DCLK1: variants seen among roughly 807,000 people sequenced by gnomAD.
DCLK1 encodes the protein doublecortin like kinase 1, also known as serine/threonine-protein kinase DCLK1.
DCLK1 carries 16 observed loss-of-function variants against 86.2 expected under a neutral mutation model. That is an observed-to-expected ratio of 0.19 (90% CI 0.13 to 0.28). DCLK1 has a LOEUF of 0.28. Among genes scored for constraint, DCLK1 ranks in the 10% least tolerant of loss-of-function variants. The pLI is 1.00. For missense variants in DCLK1, 590 were observed against 940.2 expected (o/e 0.63, Z 4.87); for synonymous variants, 369 against 370.5 (o/e 1.00, Z 0.05).
rs79976679 is a variant in DCLK1 at position 35,927,495 on chromosome 13, C to T, written c.823+19863G>A. Among the ~76,000 whole-genome samples, 1,001 of 152,286 alleles carry T rather than the reference C, an allele frequency of 6.6e-3. 14 individuals are homozygous for T. Among genetic ancestry groups the T allele is most frequent in the African/African-American group, 0.023 (943 of 41,566 alleles). ...TGATAAGTTCATTGTTTTTGTTACA[C>T]CGTTTGATTTCTCCTTATTATAAGT... is the stretch of plus-strand genomic sequence containing the variant. On this transcript the variant is annotated intron_variant, in intron 4 of 16. Coordinates refer to ENST00000360631, the MANE Select transcript of DCLK1 (RefSeq NM_001330071.2).
At chr13:36,100,207 AAAAAAAC>A in intron 3 of DCLK1, among the ~76,000 whole-genome samples, 3 of 95,942 alleles carry the variant, frequency 3.1e-5, no homozygotes, top group South Asian at 3.1e-4. Context: ...AAAAAAAAAA[AAAAAAAC>A]CACACACACA....
chr13:35,869,814 C>T (rs989511628), intron 5 of DCLK1, among the ~76,000 whole-genome samples: 3 of 152,174 alleles, frequency 2.0e-5, no homozygotes, highest in Non-Finnish European at 4.4e-5. Context: ...TTGAGAACCA[C>T]TGCCCTCACC....
At chr13:35,941,292 AG>A (rs1877067389) in intron 4 of DCLK1, among the ~76,000 whole-genome samples, 2 of 152,204 alleles carry the variant, frequency 1.3e-5, no homozygotes, top group Non-Finnish European at 2.9e-5. Flanking sequence ...GAAAGTGATC[AG>A]AACCCCATGG....
chr13:36,073,733 G>C (rs182353701), intron 3 of DCLK1, among the ~76,000 whole-genome samples: 1 of 152,208 alleles, frequency 6.6e-6, no homozygotes, highest in East Asian at 1.9e-4. Flanking sequence ...GCTTGCACAT[G>C]TCCTTAACAC....
At chr13:35,961,814 T>C (rs749297679) in intron 3 of DCLK1, among the ~76,000 whole-genome samples, 1 of 152,230 alleles carries the variant, frequency 6.6e-6, no homozygotes, top group Non-Finnish European at 1.5e-5. Context: ...GTTCTCTCCT[T>C]GTTTCTGATT....
intron 4 of DCLK1, among the ~76,000 whole-genome samples, chr13:35,920,732 G>T (rs1468194354): frequency 6.6e-6 from 1 of 152,094 alleles, no homozygotes; most frequent in Non-Finnish European, 1.5e-5. Flanking sequence ...GAACCGGGGT[G>T]GGAGGTGCCG....
At chr13:35,972,646 G>C (rs766080385) in intron 3 of DCLK1, among the ~76,000 whole-genome samples, 14 of 152,040 alleles carry the variant, frequency 9.2e-5, no homozygotes, top group Non-Finnish European at 5.9e-5. Flanking sequence ...AGATGGGGTG[G>C]GGGGCAGCAC....
At chr13:35,908,657 T>C (rs371355324) in intron 4 of DCLK1, among the ~76,000 whole-genome samples, 10 of 152,336 alleles carry the variant, frequency 6.6e-5, no homozygotes, top group African/African-American at 2.4e-4. Context: ...TTTGTCCCAA[T>C]GGAACTTTGC....
At position 35,772,065 on chromosome 13, in the gene DCLK1, T is replaced by G. The variant is rs2086342248; in HGVS notation, c.*2470A>C. On this transcript the variant is annotated 3_prime_UTR_variant, in exon 17 of 17. Coordinates refer to ENST00000360631, the MANE Select transcript of DCLK1 (RefSeq NM_001330071.2). ...CTTGGTAGCTTAATGTTAGAAAGATTGCATTCCATCTGATTACTCAAGATT... is the reference window on the plus strand; with the variant it reads ...CTTGGTAGCTTAATGTTAGAAAGATGGCATTCCATCTGATTACTCAAGATT... 6.6e-6 allele frequency: 1 copy of G among 152,220 alleles called. No individual in the cohort carries two copies. The highest frequency in any genetic ancestry group is 1.5e-5 in the Non-Finnish European group (1 of 68,042). 9.4% of individuals were successfully genotyped at this position (152,220 alleles called of 1,614,324 possible). A position where few individuals can be genotyped will look rare whatever the true frequency, so the allele number is the denominator to read the frequency against.
chr13:35,835,904 C>A (rs768234477), intron 8 of DCLK1, 129 bp downstream of exon 8: 3 of 663,642 alleles, frequency 4.5e-6, no homozygotes, highest in African/African-American at 1.8e-5. Context: ...GCAAAAAATT[C>A]TTTTGCATTT....
In DCLK1 at chr13:35,893,779, T is replaced by C. The variant is rs115912167; in HGVS notation, c.824-22439A>G. ...CTGCTTAGTTAATCTGCACACATTA[T>C]TTTTTTCCTGTATTAATGGTGTATC... On this transcript the variant is annotated intron_variant, in intron 4 of 16. Transcript: ENST00000360631. Among the ~76,000 whole-genome samples, 614 of 152,306 alleles carry C rather than the reference T, an allele frequency of 4.0e-3. 11 individuals are homozygous for C. Among genetic ancestry groups the C allele is most frequent in the African/African-American group, 0.014 (586 of 41,560 alleles).
intron 3 of DCLK1, among the ~76,000 whole-genome samples, chr13:36,065,309 T>C (rs1161745722): frequency 2.0e-5 from 3 of 152,168 alleles, no homozygotes; most frequent in Non-Finnish European, 4.4e-5. Flanking sequence ...GTTAAACATG[T>C]GGGCACAGAA....
intron 4 of DCLK1, among the ~76,000 whole-genome samples, chr13:35,908,364 A>G (rs571593432): frequency 5.3e-5 from 8 of 152,308 alleles, no homozygotes; most frequent in Admixed American, 3.3e-4. Flanking sequence ...CAGTTATTCA[A>G]ATTAAGTAGG....
intron 6 of DCLK1, chr13:35,850,605 T>C (rs1276747131): frequency 1.5e-6 from 2 of 1,301,188 alleles, no homozygotes; most frequent in African/African-American, 3.0e-5. Flanking sequence ...GATTTGGTCT[T>C]TTATCATTTC....
intron 5 of DCLK1, among the ~76,000 whole-genome samples, chr13:35,859,859 T>C (rs2153111944): frequency 6.6e-6 from 1 of 152,352 alleles, no homozygotes; most frequent in East Asian, 1.9e-4. Context: ...ATTGCCCTTT[T>C]AAATGACTTT....
At chr13:35,804,808 C>T (rs1260620584) in intron 15 of DCLK1, among the ~76,000 whole-genome samples, 2 of 152,206 alleles carry the variant, frequency 1.3e-5, no homozygotes, top group Middle Eastern at 3.2e-3. Context: ...AATAATGACT[C>T]TGCTCTGGAG....
intron 3 of DCLK1, among the ~76,000 whole-genome samples, chr13:35,995,342 A>T (rs1880422019): frequency 6.6e-6 from 1 of 152,170 alleles, no homozygotes; most frequent in Non-Finnish European, 1.5e-5. Context: ...ACGAAATCTA[A>T]TTCTATCCGT....
intron 5 of DCLK1, among the ~76,000 whole-genome samples, chr13:35,867,917 G>GAAAGAAAGAAAA (rs1566576923): frequency 3.4e-5 from 4 of 117,612 alleles, no homozygotes; most frequent in African/African-American, 1.4e-4. Context: ...GAAAAAGAAA[G>GAAAGAAAGAAAA]AAAGAAAGAA....
chr13:35,918,673 G>A (rs1926460), intron 4 of DCLK1, among the ~76,000 whole-genome samples: 92,213 of 151,820 alleles, frequency 0.61, 29,238 homozygotes, highest in South Asian at 0.7. Flanking sequence ...TGAACCCCCA[G>A]GAAATCGCCT....
Sources: allele counts gnomAD v4.1 joint callset (sites outside exome capture counted in the v4.1 genomes callset), GRCh38; gene constraint gnomAD v4.1.1; transcripts MANE v1.5; gene names NCBI Gene and HGNC (gene_info 2026-07-23, HGNC 2026-07-21).